SLC4A10: variants seen among roughly 807,000 people sequenced by gnomAD.
The protein encoded by SLC4A10 is sodium-driven chloride bicarbonate exchanger.
A neutral mutation model predicts 137.7 loss-of-function variants in SLC4A10; 42 were observed. The observed-to-expected ratio is 0.30, with a 90% CI of 0.24 to 0.39. The LOEUF is 0.39. Among genes scored for constraint, SLC4A10 ranks in the 10% least tolerant of loss-of-function variants. The probability of loss-of-function intolerance (pLI) is 1.00; values close to 1 mark genes in which losing one functional copy is unlikely to be tolerated. For synonymous variants in SLC4A10, 474 were observed against 464.1 expected (o/e 1.02, Z -0.27); for missense variants, 925 against 1,355.0 (o/e 0.68, Z 4.98).
chr2:161,797,699 CTTA>C (rs1242926852), intron 2 of SLC4A10, among the ~76,000 whole-genome samples: 1 of 152,028 alleles, frequency 6.6e-6, no homozygotes, highest in African/African-American at 2.4e-5. Flanking sequence ...ATATTAAATG[CTTA>C]TTATGTTTCA....
chr2:161,980,145 G>C (rs968557641), intron 26 of SLC4A10, among the ~76,000 whole-genome samples: 2 of 152,270 alleles, frequency 1.3e-5, no homozygotes, highest in African/African-American at 4.8e-5. Context: ...TGATGCCCAA[G>C]ATCAGTGTGT....
At chr2:161,873,644 A>G in intron 7 of SLC4A10, 1 of 243,780 alleles carries the variant, frequency 4.1e-6, no homozygotes, top group Non-Finnish European at 7.9e-6. Context: ...AAATAGAAGT[A>G]ACTCAGAGTA....
intron 1 of SLC4A10, among the ~76,000 whole-genome samples, chr2:161,645,154 G>C (rs1297549092): frequency 6.6e-6 from 1 of 152,100 alleles, no homozygotes. Flanking sequence ...AAAAAAGTGT[G>C]TGTCAGGCCA....
chr2:161,921,854 A>AACTCCTTAAAGGTAG (rs1432754400), intron 15 of SLC4A10, among the ~76,000 whole-genome samples: 1 of 152,244 alleles, frequency 6.6e-6, no homozygotes, highest in East Asian at 1.9e-4. Context: ...CGATGATTAT[A>AACTCCTTAAAGGTAG]ACTCCTTAAA....
intron 1 of SLC4A10, among the ~76,000 whole-genome samples, chr2:161,725,177 C>G (rs999271489): frequency 3.9e-5 from 6 of 152,080 alleles, no homozygotes; most frequent in African/African-American, 1.4e-4. Flanking sequence ...CTCTGAGGTG[C>G]TTTAAAGTGA....
intron 11 of SLC4A10, 23 bp from the exon 12 acceptor site, chr2:161,900,888 C>T: frequency 6.8e-7 from 1 of 1,471,146 alleles, no homozygotes; most frequent in Non-Finnish European, 9.1e-7. Flanking sequence ...AAACAAAACA[C>T]ATGAACAAAA....
chr2:161,913,124 T>C (rs1686254050), intron 15 of SLC4A10, among the ~76,000 whole-genome samples: 1 of 152,190 alleles, frequency 6.6e-6, no homozygotes, highest in Non-Finnish European at 1.5e-5. Context: ...ACTATATATG[T>C]ATGTCTATGT....
chr2:161,632,427 C>T (rs2033724023), intron 1 of SLC4A10, among the ~76,000 whole-genome samples: 1 of 151,402 alleles, frequency 6.6e-6, no homozygotes, highest in South Asian at 2.1e-4. Flanking sequence ...AAAAACCCAC[C>T]ACATACACAC....
At chr2:161,657,724 C>A (rs1024330318) in intron 1 of SLC4A10, among the ~76,000 whole-genome samples, 2 of 151,794 alleles carry the variant, frequency 1.3e-5, no homozygotes, top group Non-Finnish European at 2.9e-5. Context: ...AAAATAAAAT[C>A]TTTCTATGAA....
intron 11 of SLC4A10, among the ~76,000 whole-genome samples, chr2:161,899,978 ATCAGTTTATAAG>A (rs1285928202): frequency 6.6e-6 from 1 of 152,118 alleles, no homozygotes; most frequent in Non-Finnish European, 1.5e-5. Flanking sequence ...GGTAAGTGAG[ATCAGTTTATAAG>A]TCACTTTTGT....
chr2:161,664,934 A>C (rs1049157558), intron 1 of SLC4A10, among the ~76,000 whole-genome samples: 1 of 151,840 alleles, frequency 6.6e-6, no homozygotes, highest in African/African-American at 2.4e-5. Context: ...ACATCAAAAA[A>C]TTCTATGTAA....
intron 1 of SLC4A10, among the ~76,000 whole-genome samples, chr2:161,698,518 G>C (rs1443277686): frequency 1.3e-5 from 2 of 152,134 alleles, no homozygotes; most frequent in African/African-American, 4.8e-5. Flanking sequence ...TAGCATGAAT[G>C]GTTGTTGAAT....
At position 161,896,600 on chromosome 2, in the gene SLC4A10, A is replaced by G. The variant is rs111241679; in HGVS notation, c.1341+1775A>G. Among the ~76,000 whole-genome samples, 1,296 of 152,220 alleles carry G rather than the reference A, an allele frequency of 8.5e-3. 18 individuals are homozygous for G. Among genetic ancestry groups the G allele is most frequent in the African/African-American group, 0.03 (1,235 of 41,554 alleles). ...ACAAGGGACGTGAAGGACCTCTTCA[A>G]GGAGAACTACAAACCACTGCTCAAT... is the stretch of plus-strand genomic sequence containing the variant. On this transcript the variant is annotated intron_variant, in intron 11 of 26. Coordinates refer to ENST00000446997, the MANE Select transcript of SLC4A10 (RefSeq NM_001178015.2).
intron 1 of SLC4A10, among the ~76,000 whole-genome samples, chr2:161,645,149 A>T (rs3842970): frequency 0.88 from 133,070 of 152,048 alleles, 58,780 homozygotes; most frequent in East Asian, 1. Context: ...AATAGAAAAA[A>T]GTGTGTGTCA....
At chr2:161,844,209 T>C (rs985354529) in intron 4 of SLC4A10, among the ~76,000 whole-genome samples, 2 of 152,100 alleles carry the variant, frequency 1.3e-5, no homozygotes, top group African/African-American at 4.8e-5. Flanking sequence ...GATACATACA[T>C]ACATGGCAGA....
At chr2:161,912,152 G>A (rs761266065) in intron 15 of SLC4A10, among the ~76,000 whole-genome samples, 1 of 152,092 alleles carries the variant, frequency 6.6e-6, no homozygotes. Flanking sequence ...TTGGCAGATA[G>A]TAGTAAAGCT....
chr2:161,737,377 GA>G (rs1001717355), intron 1 of SLC4A10, among the ~76,000 whole-genome samples: 5 of 151,258 alleles, frequency 3.3e-5, no homozygotes, highest in Non-Finnish European at 7.4e-5. Context: ...AGATAGCTTT[GA>G]AAAAGAAGAA....
At chr2:161,882,050 T>C (rs1256480414) in intron 9 of SLC4A10, among the ~76,000 whole-genome samples, 1 of 151,708 alleles carries the variant, frequency 6.6e-6, no homozygotes, top group Non-Finnish European at 1.5e-5. Flanking sequence ...TTTCCTTCTC[T>C]AAGGATCATA....
chr2:161,799,507 T>G (rs1411282437), intron 2 of SLC4A10, among the ~76,000 whole-genome samples: 1 of 151,936 alleles, frequency 6.6e-6, no homozygotes, highest in Non-Finnish European at 1.5e-5. Context: ...TTTACAAAAG[T>G]TGGTAATATA....
Sources: allele counts gnomAD v4.1 joint callset (sites outside exome capture counted in the v4.1 genomes callset), GRCh38; gene constraint gnomAD v4.1.1; transcripts MANE v1.5; gene names NCBI Gene and HGNC (gene_info 2026-07-23, HGNC 2026-07-21).